Variants in PTPRT observed in about 807,000 individuals in gnomAD.
PTPRT encodes receptor-type tyrosine-protein phosphatase T.
In PTPRT, 56 loss-of-function variants were observed where a neutral mutation model predicts 176.8. The observed-to-expected ratio is 0.32, with a 90% CI of 0.26 to 0.40. PTPRT has a LOEUF of 0.40. Ranked by LOEUF, PTPRT falls within the 10% of genes least tolerant of loss-of-function variation. PTPRT has a pLI of 1.00. For missense variants in PTPRT, 1,540 were observed against 1,908.2 expected (o/e 0.81, Z 3.60); for synonymous variants, 783 against 739.0 (o/e 1.06, Z -0.96).
chr20:42,979,916 G>A (rs1224691105), intron 1 of PTPRT, among the ~76,000 whole-genome samples: 6 of 42,034 alleles, frequency 1.4e-4, no homozygotes, highest in African/African-American at 5.2e-4. Context: ...GAGCACACAG[G>A]CATGCCTGGA....
chr20:42,956,835 C>T (rs1195754266), intron 1 of PTPRT, among the ~76,000 whole-genome samples: 2 of 152,130 alleles, frequency 1.3e-5, no homozygotes, highest in East Asian at 3.9e-4. Context: ...AACAGGTGGG[C>T]CAAGTGAATC....
intron 9 of PTPRT, among the ~76,000 whole-genome samples, chr20:42,394,297 A>C (rs1393619973): frequency 6.6e-6 from 1 of 152,204 alleles, no homozygotes; most frequent in Non-Finnish European, 1.5e-5. Context: ...GAAGAATCTC[A>C]GTCAATCATG....
intron 2 of PTPRT, among the ~76,000 whole-genome samples, chr20:42,814,239 GTT>G (rs1350939095): frequency 2.6e-5 from 4 of 152,070 alleles, no homozygotes; most frequent in Non-Finnish European, 5.9e-5. Flanking sequence ...TTGTTTTGGT[GTT>G]GTGGTGAATT....
chr20:42,180,361 T>A (rs958099083), intron 16 of PTPRT, among the ~76,000 whole-genome samples: 2 of 152,192 alleles, frequency 1.3e-5, no homozygotes, highest in African/African-American at 4.8e-5. Context: ...GTTACCTTTT[T>A]AAAGTCTTTA....
chr20:42,425,539 G>T (rs1420707352), intron 9 of PTPRT, among the ~76,000 whole-genome samples: 1 of 152,092 alleles, frequency 6.6e-6, no homozygotes. Context: ...AAGTTCTGGG[G>T]ATCTAATCTA....
At chr20:42,563,073 C>T (rs2072979237) in intron 7 of PTPRT, among the ~76,000 whole-genome samples, 1 of 152,004 alleles carries the variant, frequency 6.6e-6, no homozygotes, top group African/African-American at 2.4e-5. Flanking sequence ...AAAAACATCT[C>T]TATATAAAAA....
intron 6 of PTPRT, among the ~76,000 whole-genome samples, chr20:42,726,057 T>TCTA (rs2076374532): frequency 7.0e-6 from 1 of 142,286 alleles, no homozygotes; most frequent in Non-Finnish European, 1.5e-5. Context: ...TGTGGGCATC[T>TCTA]TTATTATTAT....
At chr20:42,325,390 G>A (rs2057867064) in intron 11 of PTPRT, among the ~76,000 whole-genome samples, 2 of 152,150 alleles carry the variant, frequency 1.3e-5, no homozygotes, top group South Asian at 4.1e-4. Flanking sequence ...TGAATTTTGT[G>A]TAGAAATTTA....
chr20:42,239,361 G>A (rs1183141863), intron 14 of PTPRT, among the ~76,000 whole-genome samples: 1 of 148,144 alleles, frequency 6.8e-6, no homozygotes, highest in Non-Finnish European at 1.5e-5. Flanking sequence ...CACACAGCTA[G>A]TAACTGGATT....
At chr20:42,797,228 T>C (rs942692488) in intron 2 of PTPRT, among the ~76,000 whole-genome samples, 2 of 152,182 alleles carry the variant, frequency 1.3e-5, no homozygotes, top group African/African-American at 4.8e-5. Context: ...TCTGACCATC[T>C]TCTTCCTTTC....
intron 9 of PTPRT, among the ~76,000 whole-genome samples, chr20:42,405,205 T>TA (rs1568850949): frequency 1.3e-5 from 2 of 151,718 alleles, no homozygotes; most frequent in Non-Finnish European, 2.9e-5. Flanking sequence ...TCTTTTTTTT[T>TA]ATTATACTTT....
chr20:42,838,390 C>T (rs1188825451), intron 2 of PTPRT, among the ~76,000 whole-genome samples: 1 of 152,190 alleles, frequency 6.6e-6, no homozygotes, highest in East Asian at 1.9e-4. Flanking sequence ...ATATTATGAG[C>T]CCTTGCCCCT....
At chr20:43,009,777 A>G (rs1179609656) in intron 1 of PTPRT, among the ~76,000 whole-genome samples, 1 of 152,174 alleles carries the variant, frequency 6.6e-6, no homozygotes, top group Non-Finnish European at 1.5e-5. Context: ...GGCTACATTT[A>G]CATAAATTCT....
At chr20:42,681,249 C>A (rs1231512473) in intron 6 of PTPRT, among the ~76,000 whole-genome samples, 1 of 152,154 alleles carries the variant, frequency 6.6e-6, no homozygotes, top group Non-Finnish European at 1.5e-5. Flanking sequence ...GCCATCCAGT[C>A]CAATGGCTAG....
intron 7 of PTPRT, among the ~76,000 whole-genome samples, chr20:42,621,549 C>T (rs1488292187): frequency 6.6e-6 from 1 of 152,222 alleles, no homozygotes; most frequent in Non-Finnish European, 1.5e-5. Context: ...GGCAAGCATA[C>T]AATGCCATTG....
intron 12 of PTPRT, among the ~76,000 whole-genome samples, chr20:42,309,576 C>A (rs2057596122): frequency 6.6e-6 from 1 of 152,208 alleles, no homozygotes; most frequent in South Asian, 2.1e-4. Context: ...TCAGACTGTA[C>A]TGACACCTAC....
At chr20:42,157,009 A>G (rs1028464041) in intron 17 of PTPRT, among the ~76,000 whole-genome samples, 1 of 152,206 alleles carries the variant, frequency 6.6e-6, no homozygotes, top group Non-Finnish European at 1.5e-5. Flanking sequence ...AACGGCTTGT[A>G]ATGCATAGCA....
At chr20:42,070,860 T>C (rs1308470589), downstream of PTPRT, among the ~76,000 whole-genome samples, 6 of 152,208 alleles carry the variant, frequency 3.9e-5, no homozygotes, top group South Asian at 1.2e-3. Context: ...AAAGATGATA[T>C]GCCCCCAAAT....
chr20:42,758,424 C>T (rs2076867598), intron 5 of PTPRT, among the ~76,000 whole-genome samples: 1 of 152,148 alleles, frequency 6.6e-6, no homozygotes, highest in Non-Finnish European at 1.5e-5. Context: ...AGGCAGTGAT[C>T]ATGAAGGCCA....
Sources: allele counts gnomAD v4.1 joint callset (sites outside exome capture counted in the v4.1 genomes callset), GRCh38; gene constraint gnomAD v4.1.1; transcripts MANE v1.5; gene names NCBI Gene and HGNC (gene_info 2026-07-23, HGNC 2026-07-21).